EYS: variants seen among roughly 807,000 people sequenced by gnomAD.
EYS encodes protein eyes shut homolog.
EYS carries 250 observed loss-of-function variants against 282.1 expected under a neutral mutation model. The observed-to-expected ratio is 0.89, with a 90% CI of 0.80 to 0.98. The LOEUF (loss-of-function observed/expected upper bound fraction) is 0.98. Ranked by LOEUF, EYS falls within the 50% of genes least tolerant of loss-of-function variation. EYS has a pLI of 0.00. For missense variants in EYS, 4,016 were observed against 3,709.0 expected, an observed-to-expected ratio of 1.08 and a Z score of -2.15; for synonymous variants, 1,355 against 1,282.9, an observed-to-expected ratio of 1.06 and a Z score of -1.20.
chr6:65,199,857 G>T (rs972260807), intron 12 of EYS, among the ~76,000 whole-genome samples: 5 of 152,090 alleles, frequency 3.3e-5, no homozygotes, highest in African/African-American at 1.2e-4. Flanking sequence ...GGAGGAGAGT[G>T]ACTGGAGATG....
intron 26 of EYS, among the ~76,000 whole-genome samples, chr6:64,482,822 G>A (rs1480575071): frequency 6.6e-6 from 1 of 151,642 alleles, no homozygotes. Context: ...TTTACCTGCA[G>A]ATGACTAAGT....
intron 2 of EYS, among the ~76,000 whole-genome samples, chr6:65,528,424 T>G (rs375031189): frequency 6.6e-6 from 1 of 152,206 alleles, no homozygotes; most frequent in African/African-American, 2.4e-5. Context: ...TGAATGTCTG[T>G]TGCGTTGAAA....
intron 36 of EYS, among the ~76,000 whole-genome samples, chr6:63,829,105 C>T (rs111905732): frequency 3.5e-4 from 53 of 152,218 alleles, no homozygotes; most frequent in Middle Eastern, 6.8e-3. Flanking sequence ...CAATGAGTGG[C>T]GGAGGTTCCA....
chr6:65,638,759 C>A (rs6917564), intron 2 of EYS, among the ~76,000 whole-genome samples: 69 of 152,356 alleles, frequency 4.5e-4, no homozygotes, highest in African/African-American at 1.6e-3. Flanking sequence ...CCATGCCTGG[C>A]TTACCCTTGG....
At chr6:64,278,748 TTCTCTCTG>T (rs1377316479) in intron 30 of EYS, among the ~76,000 whole-genome samples, 7 of 148,444 alleles carry the variant, frequency 4.7e-5, no homozygotes. Context: ...CTTTCTCTCT[TTCTCTCTG>T]TCTCTCCTCC....
At chr6:64,532,093 T>A (rs573431029) in intron 26 of EYS, among the ~76,000 whole-genome samples, 2 of 152,156 alleles carry the variant, frequency 1.3e-5, no homozygotes, top group South Asian at 2.1e-4. Flanking sequence ...CAGGCAAATA[T>A]CTCTTGAGGT....
intron 35 of EYS, among the ~76,000 whole-genome samples, chr6:63,879,559 G>A (rs976548078): frequency 2.0e-5 from 3 of 152,076 alleles, no homozygotes; most frequent in Non-Finnish European, 4.4e-5. Context: ...ATGGGGACAT[G>A]GTGTGGCAGA....
intron 15 of EYS, among the ~76,000 whole-genome samples, chr6:64,929,889 C>G (rs1330258478): frequency 6.6e-6 from 1 of 152,062 alleles, no homozygotes; most frequent in African/African-American, 2.4e-5. Context: ...AGATTTACTA[C>G]TTTTTAACAC....
At chr6:65,107,015 C>T (rs1775059556) in intron 12 of EYS, among the ~76,000 whole-genome samples, 1 of 151,976 alleles carries the variant, frequency 6.6e-6, no homozygotes, top group African/African-American at 2.4e-5. Context: ...CTCCTCCCAG[C>T]CAGCATCAAC....
At chr6:64,872,057 G>C (rs917196019) in intron 19 of EYS, among the ~76,000 whole-genome samples, 3 of 151,994 alleles carry the variant, frequency 2.0e-5, no homozygotes, top group African/African-American at 7.2e-5. Context: ...TGTTTCTACT[G>C]TCCTCTGAAG....
chr6:64,626,139 C>A lies in EYS; in HGVS notation c.3550G>T (p.Val1184Phe). 1 of 1,543,434 alleles carries A rather than the reference C, an allele frequency of 6.5e-7. No homozygotes were observed. Among genetic ancestry groups the A allele is most frequent in the South Asian group, 1.2e-5 (1 of 82,136 alleles). The change falls in exon 23 of 43, where the codon GTT becomes TTT. Residue 1184 changes from valine (V) to phenylalanine (F), a missense_variant. Coordinates refer to ENST00000503581, the MANE Select transcript of EYS (RefSeq NM_001142800.2). Reference sequence around the variant, plus strand: ...TAATTACCTGGTTGGCATTTGCAAACATATCCATTGATGTGATCTTCACAG... The same window carrying A: ...TAATTACCTGGTTGGCATTTGCAAAAATATCCATTGATGTGATCTTCACAG... ...ADCEDHINGYVCKCQPGWSGH... is the reference protein window; with the variant it reads ...ADCEDHINGYFCKCQPGWSGH...
chr6:64,540,296 C>T (rs1764660818), intron 26 of EYS, among the ~76,000 whole-genome samples: 1 of 152,050 alleles, frequency 6.6e-6, no homozygotes, highest in Non-Finnish European at 1.5e-5. Flanking sequence ...GTTAGCAGGA[C>T]CTACGGGTCT....
chr6:64,393,174 G>A (rs1293058166), intron 28 of EYS, among the ~76,000 whole-genome samples: 7 of 152,056 alleles, frequency 4.6e-5, no homozygotes, highest in Admixed American at 2.6e-4. Context: ...AGGACCAGAG[G>A]GATTCACAGC....
rs921475841 is a variant in EYS, at chr6:64,997,478, T to C, written c.2259+104A>G. ...CCTTGAGAAGTAAGCATATGTAATA[T>C]ATATACTAACCTAACACACAGGCAA... On this transcript the variant is annotated intron_variant, in intron 14 of 42. Transcript: ENST00000503581. The C allele has an allele frequency of 4.8e-6, 5 of 1,051,086 alleles. No individual in the cohort carries two copies. In the African/African-American group the frequency reaches 4.8e-5, roughly 10 times the overall value. 65.1% of individuals were successfully genotyped at this position (1,051,086 alleles called of 1,614,324 possible). A position where few individuals can be genotyped will look rare whatever the true frequency, so the allele number is the denominator to read the frequency against.
chr6:64,262,226 C>T (rs1170586245), intron 30 of EYS, among the ~76,000 whole-genome samples: 1 of 151,898 alleles, frequency 6.6e-6, no homozygotes, highest in Admixed American at 6.6e-5. Context: ...GTGCTTTCTA[C>T]CACCCTATCC....
At chr6:64,330,172 G>A (rs1443440015) in intron 29 of EYS, among the ~76,000 whole-genome samples, 6 of 152,182 alleles carry the variant, frequency 3.9e-5, no homozygotes, top group African/African-American at 1.2e-4. Flanking sequence ...TTCTGTGGGA[G>A]GCTGGCTATA....
intron 26 of EYS, among the ~76,000 whole-genome samples, chr6:64,517,098 C>T (rs1339926073): frequency 6.6e-6 from 1 of 151,702 alleles, no homozygotes; most frequent in East Asian, 1.9e-4. Flanking sequence ...TATATACTGT[C>T]ATATCTTGAA....
chr6:63,857,065 A>C (rs1216336700), intron 36 of EYS, among the ~76,000 whole-genome samples: 1 of 152,228 alleles, frequency 6.6e-6, no homozygotes, highest in African/African-American at 2.4e-5. Context: ...AAAGTTTCTT[A>C]CTGAACATTT....
At chr6:64,698,924 C>T (rs1770681237) in intron 22 of EYS, among the ~76,000 whole-genome samples, 1 of 152,104 alleles carries the variant, frequency 6.6e-6, no homozygotes, top group South Asian at 2.1e-4. Flanking sequence ...GGTGATTCCT[C>T]AAAGAGCTAA....
Sources: gnomAD v4.1 joint callset for allele counts (sites outside exome capture counted in the v4.1 genomes callset) on GRCh38, gnomAD v4.1.1 for gene constraint, MANE v1.5 for transcripts, NCBI Gene and HGNC (gene_info 2026-07-23, HGNC 2026-07-21) for gene names.